GUCA1C: variants seen among roughly 807,000 people sequenced by gnomAD.
The protein encoded by GUCA1C is guanylyl cyclase-activating protein 3.
A neutral mutation model predicts 16.2 loss-of-function variants in GUCA1C; 15 were observed. That is an observed-to-expected ratio of 0.93 (90% confidence interval 0.62 to 1.43). The LOEUF is 1.43. Ranked by LOEUF, GUCA1C falls within the 40% of genes most tolerant of loss-of-function variation. The pLI is 0.00. For synonymous variants in GUCA1C, 78 were observed against 85.4 expected (o/e 0.91, Z 0.48); for missense variants, 275 against 244.8 (o/e 1.12, Z -0.82).
intron 1 of GUCA1C, among the ~76,000 whole-genome samples, chr3:108,950,986 G>A (rs1447375267): frequency 1.3e-5 from 2 of 152,212 alleles, no homozygotes; most frequent in African/African-American, 2.4e-5. Context: ...TGCTTTACCA[G>A]CACTTTGAGG....
intron 1 of GUCA1C, among the ~76,000 whole-genome samples, chr3:108,944,603 C>T (rs928467183): frequency 2.6e-5 from 4 of 152,226 alleles, no homozygotes; most frequent in African/African-American, 9.6e-5. Context: ...CAGCCCCTGC[C>T]ACTGGGCTCT....
chr3:108,910,370 C>T (rs139811969), intron 3 of GUCA1C, among the ~76,000 whole-genome samples: 11 of 151,904 alleles, frequency 7.2e-5, no homozygotes, highest in East Asian at 2.0e-4. Context: ...TGGTGGAGGG[C>T]GCCTGTAGTC....
At chr3:108,947,732 A>G (rs1429830613) in intron 1 of GUCA1C, among the ~76,000 whole-genome samples, 1 of 152,200 alleles carries the variant, frequency 6.6e-6, no homozygotes, top group Admixed American at 6.5e-5. Flanking sequence ...CAAAATTTTT[A>G]TAATTGCTGA....
chr3:108,924,382 CTG>C (rs1223957380), intron 1 of GUCA1C, among the ~76,000 whole-genome samples: 2 of 152,104 alleles, frequency 1.3e-5, no homozygotes. Flanking sequence ...AATGCTTTTT[CTG>C]TGTCTATTGA....
chr3:108,910,689 T>G lies in GUCA1C; in HGVS notation c.443-2480A>C, dbSNP rs1047814011. Among the ~76,000 whole-genome samples, 9 of 151,344 alleles carry G rather than the reference T, an allele frequency of 5.9e-5. No homozygotes were observed. The East Asian group carries it at 9.9e-4, about 17-fold the overall frequency. ...TTTTGAGACGGAGTCTCCCTCTGTC[T>G]CCCAGGCTGGAGTGCAGTGGGGCTA... On this transcript the variant is annotated intron_variant, in intron 3 of 3. Transcript: ENST00000261047.
intron 3 of GUCA1C, among the ~76,000 whole-genome samples, chr3:108,908,640 T>G (rs1946415891): frequency 6.6e-6 from 1 of 152,212 alleles, no homozygotes; most frequent in Non-Finnish European, 1.5e-5. Context: ...TTCTTGGGAC[T>G]GTCTAAAGCT....
intron 1 of GUCA1C, among the ~76,000 whole-genome samples, chr3:108,943,985 AATAAAT>A (rs144211094): frequency 0.011 from 1,663 of 152,244 alleles, 11 homozygotes; most frequent in Middle Eastern, 0.031. Context: ...TAATTAAATA[AATAAAT>A]ATAATGATAA....
At chr3:108,937,221 C>T (rs1248474478) in intron 1 of GUCA1C, among the ~76,000 whole-genome samples, 1 of 152,158 alleles carries the variant, frequency 6.6e-6, no homozygotes, top group Non-Finnish European at 1.5e-5. Flanking sequence ...CAGCATCTCT[C>T]CACCCACCTG....
intron 1 of GUCA1C, among the ~76,000 whole-genome samples, chr3:108,943,088 T>G (rs1156701400): frequency 3.3e-5 from 5 of 152,192 alleles, no homozygotes; most frequent in Non-Finnish European, 7.3e-5. Context: ...ATAAAGTTTA[T>G]GCCATAAACA....
At chr3:108,910,222 T>G (rs780210002) in intron 3 of GUCA1C, among the ~76,000 whole-genome samples, 2 of 152,098 alleles carry the variant, frequency 1.3e-5, no homozygotes, top group Non-Finnish European at 2.9e-5. Context: ...AGCAAGGCCG[T>G]GAGCGGTGGC....
intron 1 of GUCA1C, among the ~76,000 whole-genome samples, chr3:108,938,939 T>A (rs1275052022): frequency 6.6e-6 from 1 of 152,234 alleles, no homozygotes; most frequent in Non-Finnish European, 1.5e-5. Flanking sequence ...GCAGGTCCAC[T>A]GTGAATCAGA....
At chr3:108,944,333 C>T (rs984772623) in intron 1 of GUCA1C, among the ~76,000 whole-genome samples, 1 of 152,078 alleles carries the variant, frequency 6.6e-6, no homozygotes, top group South Asian at 2.1e-4. Flanking sequence ...TGAATGTGTT[C>T]TGAGCTAGAG....
chr3:108,910,810 T>C (rs1037791446), intron 3 of GUCA1C, among the ~76,000 whole-genome samples: 13 of 151,552 alleles, frequency 8.6e-5, no homozygotes, highest in African/African-American at 2.9e-4. Flanking sequence ...CCACCACACC[T>C]GGCTAATTTT....
chr3:108,929,078 C>G (rs75683184), intron 1 of GUCA1C, among the ~76,000 whole-genome samples: 8 of 152,156 alleles, frequency 5.3e-5, no homozygotes. Context: ...AATATAGAAT[C>G]TCTCTCCTTT....
chr3:108,927,966 G>A (rs1946636956), intron 1 of GUCA1C, among the ~76,000 whole-genome samples: 1 of 152,192 alleles, frequency 6.6e-6, no homozygotes, highest in Non-Finnish European at 1.5e-5. Context: ...GAGCCAAACT[G>A]TAGTAATTAT....
At chr3:108,925,661 G>C (rs1946616341) in intron 1 of GUCA1C, among the ~76,000 whole-genome samples, 2 of 152,182 alleles carry the variant, frequency 1.3e-5, no homozygotes, top group South Asian at 2.1e-4. Context: ...TATAGTTTAA[G>C]TTCATTGTTT....
At chr3:108,914,709 T>G (rs145280409) in intron 3 of GUCA1C, among the ~76,000 whole-genome samples, 1 of 152,278 alleles carries the variant, frequency 6.6e-6, no homozygotes, top group East Asian at 1.9e-4. Context: ...CTGCAGCACC[T>G]CTAAGATTAA....
chr3:108,944,002 A>G (rs919332684), intron 1 of GUCA1C, among the ~76,000 whole-genome samples: 3 of 152,094 alleles, frequency 2.0e-5, no homozygotes, highest in African/African-American at 7.2e-5. Context: ...ATAATGATAA[A>G]CCAAATTTAA....
At chr3:108,928,793 T>G (rs895916230) in intron 1 of GUCA1C, among the ~76,000 whole-genome samples, 5 of 152,220 alleles carry the variant, frequency 3.3e-5, no homozygotes, top group African/African-American at 1.2e-4. Flanking sequence ...TCATATTGAT[T>G]GATGTAACTA....
Sources: allele counts gnomAD v4.1 joint callset (sites outside exome capture counted in the v4.1 genomes callset), GRCh38; gene constraint gnomAD v4.1.1; transcripts MANE v1.5; gene names NCBI Gene and HGNC (gene_info 2026-07-23, HGNC 2026-07-21).